Variants in ADNP observed in about 807,000 individuals in gnomAD.
The protein encoded by ADNP is activity-dependent neuroprotector homeobox protein.
Under a neutral mutation model 84.9 loss-of-function variants are expected in ADNP, and 4 were observed. The observed-to-expected ratio is 0.05, with a 90% CI of 0.02 to 0.11. The LOEUF is 0.11. Ranked by LOEUF, ADNP falls within the 10% of genes least tolerant of loss-of-function variation. The pLI is 1.00. For missense variants in ADNP, 1,132 were observed against 1,326.0 expected (o/e 0.85, Z 2.27); for synonymous variants, 554 against 468.1 (o/e 1.18, Z -2.37).
chr20:50,898,795 A>G (rs1981670276), intron 5 of ADNP, among the ~76,000 whole-genome samples: 1 of 152,220 alleles, frequency 6.6e-6, no homozygotes. Flanking sequence ...TGAGGCTGCT[A>G]CCAGTTACCA....
chr20:50,912,030 G>C (rs1011795794), intron 2 of ADNP, among the ~76,000 whole-genome samples: 1 of 152,138 alleles, frequency 6.6e-6, no homozygotes. Flanking sequence ...AGTTACACTA[G>C]TGAATGCAAA....
At chr20:50,901,465 CCTCT>C (rs966325660) in intron 5 of ADNP, among the ~76,000 whole-genome samples, 18 of 151,582 alleles carry the variant, frequency 1.2e-4, no homozygotes, top group African/African-American at 2.9e-4. Flanking sequence ...TTGACAATTA[CCTCT>C]CTCTATGCAG....
At position 50,893,923 on chromosome 20, in the gene ADNP, C is replaced by T. The variant is rs1045825663; in HGVS notation, c.791G>A (p.Arg264Gln). 4.3e-6 allele frequency: 7 copies of T among 1,614,086 alleles called. No individual in the cohort carries two copies. The highest frequency in any genetic ancestry group is 1.1e-5 in the South Asian group (1 of 91,080). Reference protein sequence around the residue: ...MIGHTNVVVPRSKPLMLIAPK... With the variant: ...MIGHTNVVVPQSKPLMLIAPK... ...AGCAATTAGCATCAAGGGTTTGGAT[C>T]GGGGAACCACTACATTTGTGTGCCC... The change falls in exon 6 of 6, where the codon CGA becomes CAA. Residue 264 changes from arginine (R) to glutamine (Q), a missense_variant. Transcript: ENST00000621696. This position sits in a 1 kb window ranked among gnomAD's most constrained non-coding sequence, Gnocchi z 4.4.
At chr20:50,922,772 G>A (rs139833085) in intron 2 of ADNP, among the ~76,000 whole-genome samples, 1 of 151,972 alleles carries the variant, frequency 6.6e-6, no homozygotes, top group East Asian at 1.9e-4. Context: ...TAGTAGAGAT[G>A]GGGTTTCACC....
chr20:50,894,568 G>T, intron 5 of ADNP, 56 bp from the exon 6 acceptor site: 1 of 1,514,458 alleles, frequency 6.6e-7, no homozygotes, highest in Non-Finnish European at 8.9e-7. Context: ...GCAGTTAACA[G>T]ATTCCAGATC....
intron 2 of ADNP, among the ~76,000 whole-genome samples, chr20:50,906,963 G>T (rs1487761674): frequency 6.7e-5 from 8 of 119,248 alleles, no homozygotes; most frequent in South Asian, 2.9e-4. Flanking sequence ...CAGGGTTCCA[G>T]TTTTTTTTTT....
At position 50,888,965 on chromosome 20, in the gene ADNP, C is replaced by T. The variant is rs545665297; in HGVS notation, c.*2440G>A. 6.6e-6 allele frequency: 1 copy of T among 152,282 alleles called. No homozygotes were observed. The highest frequency in any genetic ancestry group is 1.9e-4 in the East Asian group (1 of 5,180). The allele number at this position is 152,282 out of a possible 1,614,324, so 9.4% of individuals were successfully genotyped here. ...GTTAGAAGTGTTCAGCCTACATTTA[C>T]AGGCATTCTCTAATTAGGTGGCAGC... On this transcript the variant is annotated 3_prime_UTR_variant, in exon 6 of 6. Coordinates refer to ENST00000621696, the MANE Select transcript of ADNP (RefSeq NM_001282531.3).
intron 2 of ADNP, chr20:50,909,363 C>CCAAAAAA (rs1982810013): frequency 2.3e-5 from 1 of 44,352 alleles, no homozygotes; most frequent in South Asian, 1.4e-3. Flanking sequence ...AAAACTGTCT[C>CCAAAAAA]AAAAAAAAAA....
intron 2 of ADNP, chr20:50,913,893 GAA>G: frequency 1.6e-6 from 1 of 621,254 alleles, no homozygotes; most frequent in South Asian, 1.7e-5. Flanking sequence ...ATAAATTATT[GAA>G]TTTTTGTTTC....
chr20:50,905,970 T>C (rs1273244655), intron 2 of ADNP, among the ~76,000 whole-genome samples: 1 of 152,126 alleles, frequency 6.6e-6, no homozygotes, highest in African/African-American at 2.4e-5. Flanking sequence ...CCCAACACTT[T>C]AGGAGGCCGA....
In ADNP at chr20:50,925,263, TACACACACACACAC is replaced by T. The variant is rs57985341; in HGVS notation, c.-90+3374_-90+3387del. The stretch of plus-strand genomic sequence containing the variant: ...CTCAATTTTTATCTGTGACTTCCTA[TACACACACACACAC>T]ACACACACACACACTACATAATCAA... On this transcript the variant is annotated intron_variant, in intron 2 of 5. Coordinates refer to ENST00000621696, the MANE Select transcript of ADNP (RefSeq NM_001282531.3). Among the ~76,000 whole-genome samples the T allele has an allele frequency of 5.4e-5, 8 of 149,096 alleles. 1 individual carries two copies. The South Asian group carries it at 1.1e-3, about 20-fold the overall frequency.
intron 5 of ADNP, among the ~76,000 whole-genome samples, chr20:50,896,295 C>T (rs1319609915): frequency 6.6e-6 from 1 of 151,494 alleles, no homozygotes; most frequent in African/African-American, 2.4e-5. Context: ...TCTTCATATG[C>T]CTATTCTATA....
Position 50,892,761 on chromosome 20 carries a change from C to G in ADNP, c.1953G>C (p.Gln651His). ...GCTTTTTCTCAACTGGATGAACCGT[C>G]TGAATAACTTGGTGCCTCTCTCGTA... ...HHLRERHQVI[Q>H]TVHPVEKKLT... The change falls in exon 6 of 6, where the codon CAG becomes CAC. Residue 651 changes from glutamine to histidine, a missense_variant. This residue lies in a region of ADNP where 39 missense variants were observed against 96.2 expected (regional missense o/e 0.41). Transcript: ENST00000621696. 1 of 1,614,220 alleles carries G rather than the reference C, an allele frequency of 6.2e-7. No homozygotes were observed. The highest frequency in any genetic ancestry group is 8.5e-7 in the Non-Finnish European group (1 of 1,180,044).
intron 3 of ADNP, 107 bp downstream of exon 3, chr20:50,904,659 C>G (rs1302319208): frequency 6.6e-6 from 1 of 152,192 alleles, no homozygotes; most frequent in Non-Finnish European, 1.5e-5. Context: ...CAGTAATGAA[C>G]TTCAAGATGA....
intron 1 of ADNP, among the ~76,000 whole-genome samples, chr20:50,930,047 G>C (rs1984570320): frequency 6.6e-6 from 1 of 152,046 alleles, no homozygotes; most frequent in Admixed American, 6.5e-5. Context: ...GGTTGGGGGG[G>C]AGGGGAAGGC....
intron 1 of ADNP, among the ~76,000 whole-genome samples, chr20:50,930,618 G>T (rs974823017): frequency 1.3e-5 from 2 of 152,132 alleles, no homozygotes; most frequent in Non-Finnish European, 1.5e-5. Context: ...TGGACCTCCG[G>T]AGCAGAGTCG....
At chr20:50,902,761 A>G (rs1423993371) in intron 4 of ADNP, among the ~76,000 whole-genome samples, 1 of 152,232 alleles carries the variant, frequency 6.6e-6, no homozygotes, top group Non-Finnish European at 1.5e-5. Context: ...ACACATAAAT[A>G]ATCATAGGAG....
intron 5 of ADNP, among the ~76,000 whole-genome samples, chr20:50,900,071 T>C (rs1458157567): frequency 2.0e-5 from 3 of 152,206 alleles, no homozygotes; most frequent in Admixed American, 6.5e-5. Context: ...TCTACAGTGA[T>C]GTACAATAAT....
intron 2 of ADNP, among the ~76,000 whole-genome samples, chr20:50,919,698 A>G (rs1347729313): frequency 6.6e-6 from 1 of 152,214 alleles, no homozygotes; most frequent in East Asian, 1.9e-4. Context: ...AGTTGGGGCC[A>G]TTAACTTAGG....
Sources: allele counts gnomAD v4.1 joint callset (sites outside exome capture counted in the v4.1 genomes callset), GRCh38; gene constraint gnomAD v4.1.1; regional missense constraint gnomAD v4.1.1; non-coding constraint Gnocchi (gnomAD v3.1); transcripts MANE v1.5; gene names NCBI Gene and HGNC (gene_info 2026-07-23, HGNC 2026-07-21).